PCDH11Y: variants seen among roughly 807,000 people sequenced by gnomAD.
PCDH11Y encodes the protein protocadherin 11 Y-linked, also known as protocadherin-11 Y-linked.
For synonymous variants in PCDH11Y, 9 were observed against 83.6 expected (o/e 0.11, Z 4.87); for missense variants, 12 against 224.8 (o/e 0.05, Z 6.05).
chrY:5,570,574 C>T, intron 3 of PCDH11Y, among the ~76,000 whole-genome samples: 1 of 30,926 alleles, frequency 3.2e-5, no homozygotes, highest in African/African-American at 1.3e-4. Context: ...ATCAAGCAAA[C>T]GGATTTGATT....
At chrY:5,435,390 T>G in intron 2 of PCDH11Y, among the ~76,000 whole-genome samples, 3 of 26,688 alleles carry the variant, frequency 1.1e-4, no homozygotes, top group Non-Finnish European at 1.7e-4. Flanking sequence ...CTCGGCTCAC[T>G]GCGAGCTCCG....
intron 3 of PCDH11Y, among the ~76,000 whole-genome samples, chrY:5,551,689 T>G: frequency 3.1e-5 from 1 of 31,911 alleles, no homozygotes; most frequent in Non-Finnish European, 7.7e-5. Context: ...CCATAAAACC[T>G]AGGAAGGATT....
chrY:5,718,436 C>T, intron 4 of PCDH11Y, among the ~76,000 whole-genome samples: 2 of 31,833 alleles, frequency 6.3e-5, no homozygotes, highest in Admixed American at 5.7e-4. Flanking sequence ...TGGGAGGGAC[C>T]CAGTGGAGAT....
At chrY:5,615,028 C>T (rs2053491890) in intron 4 of PCDH11Y, among the ~76,000 whole-genome samples, 2 of 31,781 alleles carry the variant, frequency 6.3e-5, no homozygotes, top group South Asian at 7.5e-4. Context: ...CATCAGATCT[C>T]GTGAGACTTA....
At chrY:5,105,235 CTG>C (rs2052788812), downstream of PCDH11Y, 1 of 213,996 alleles carries the variant, frequency 4.7e-6, no homozygotes, top group Non-Finnish European at 5.6e-6. Context: ...GAGCAAGACT[CTG>C]TCTCAAAAAG....
At chrY:5,718,884 A>G in intron 4 of PCDH11Y, among the ~76,000 whole-genome samples, 1 of 33,004 alleles carries the variant, frequency 3.0e-5, no homozygotes, top group Non-Finnish European at 7.4e-5. Context: ...GTTGACCAAA[A>G]AGTTCAGGCT....
At chrY:5,487,675 C>T in intron 2 of PCDH11Y, among the ~76,000 whole-genome samples, 1 of 33,155 alleles carries the variant, frequency 3.0e-5, no homozygotes, top group Admixed American at 2.8e-4. Context: ...TAGGTCTGAG[C>T]TCATATTTGT....
intron 4 of PCDH11Y, among the ~76,000 whole-genome samples, chrY:5,622,663 A>C: frequency 3.1e-5 from 1 of 32,652 alleles, no homozygotes; most frequent in Non-Finnish European, 7.4e-5. Context: ...CTAAACGCCC[A>C]TCAATGATAA....
intron 2 of PCDH11Y, among the ~76,000 whole-genome samples, chrY:5,322,838 G>A (rs2053114552): frequency 6.0e-5 from 2 of 33,161 alleles, no homozygotes; most frequent in Non-Finnish European, 1.5e-4. Flanking sequence ...ACTAATTAAG[G>A]TGGAGGTAGA....
At chrY:5,344,523 G>C in intron 2 of PCDH11Y, among the ~76,000 whole-genome samples, 1 of 33,343 alleles carries the variant, frequency 3.0e-5, no homozygotes. Flanking sequence ...CACACTGTTA[G>C]AATGGAATAA....
chrY:5,528,988 A>C, intron 3 of PCDH11Y, among the ~76,000 whole-genome samples: 1 of 33,534 alleles, frequency 3.0e-5, no homozygotes, highest in Non-Finnish European at 7.5e-5. Flanking sequence ...GTGAACTGGC[A>C]CAAGTTGTGA....
intron 2 of PCDH11Y, among the ~76,000 whole-genome samples, chrY:5,424,397 T>C (rs2053261152): frequency 9.0e-5 from 3 of 33,503 alleles, no homozygotes. Context: ...GTTTTTGTTA[T>C]GCCTTTGTTT....
intron 4 of PCDH11Y, among the ~76,000 whole-genome samples, chrY:5,671,619 T>A: frequency 9.3e-5 from 3 of 32,416 alleles, no homozygotes; most frequent in African/African-American, 2.4e-4. Flanking sequence ...ATCCTGCAAC[T>A]TTACTGACCT....
chrY:5,554,080 T>C, intron 3 of PCDH11Y, among the ~76,000 whole-genome samples: 1 of 33,302 alleles, frequency 3.0e-5, no homozygotes, highest in African/African-American at 1.2e-4. Flanking sequence ...GATAGTAATA[T>C]GCACAATGAA....
At chrY:5,589,369 T>C in intron 4 of PCDH11Y, among the ~76,000 whole-genome samples, 2 of 32,968 alleles carry the variant, frequency 6.1e-5, no homozygotes, top group Non-Finnish European at 1.5e-4. Flanking sequence ...CTTCCTTGCC[T>C]TCCACCATGA....
At chrY:5,219,567 G>A (rs2052950434) in intron 2 of PCDH11Y, among the ~76,000 whole-genome samples, 1 of 32,906 alleles carries the variant, frequency 3.0e-5, no homozygotes, top group African/African-American at 1.2e-4. Context: ...TGGATTATTC[G>A]GTGTTTTATA....
At chrY:5,215,378 G>A (rs2052944567) in intron 2 of PCDH11Y, among the ~76,000 whole-genome samples, 2 of 32,095 alleles carry the variant, frequency 6.2e-5, no homozygotes, top group Non-Finnish European at 1.5e-4. Context: ...TACTCACTAC[G>A]TGGCCTCCCT....
At chrY:5,427,022 A>T (rs2053263952) in intron 2 of PCDH11Y, among the ~76,000 whole-genome samples, 1 of 32,915 alleles carries the variant, frequency 3.0e-5, no homozygotes, top group Non-Finnish European at 7.5e-5. Flanking sequence ...CATTTTCCCT[A>T]CTAACACGAG....
chrY:5,444,269 T>TA (rs1213136893), intron 2 of PCDH11Y, among the ~76,000 whole-genome samples: 14 of 28,174 alleles, frequency 5.0e-4, no homozygotes, highest in Middle Eastern at 0.015. Flanking sequence ...AATTAAAAAT[T>TA]AAAAAAAAAA....
Sources: allele counts gnomAD v4.1 joint callset (sites outside exome capture counted in the v4.1 genomes callset), GRCh38; gene constraint gnomAD v4.1.1; transcripts MANE v1.5; gene names NCBI Gene and HGNC (gene_info 2026-07-23, HGNC 2026-07-21).